DACH2: variants seen among roughly 807,000 people sequenced by gnomAD.
DACH2 encodes dachshund family transcription factor 2, also known as dachshund homolog 2.
In DACH2, 17 loss-of-function variants were observed where a neutral mutation model predicts 35.8. The observed-to-expected ratio is 0.48, with a 90% CI of 0.33 to 0.71. The LOEUF is 0.71. Among genes scored for constraint, DACH2 ranks in the 30% least tolerant of loss-of-function variants. The probability of loss-of-function intolerance (pLI) is 0.02; values close to 1 mark genes in which losing one functional copy is unlikely to be tolerated. For missense variants in DACH2, 469 were observed against 472.7 expected, an observed-to-expected ratio of 0.99 and a Z score of 0.07; for synonymous variants, 195 against 177.3, an observed-to-expected ratio of 1.10 and a Z score of -0.79.
At chrX:86,674,549 A>G (rs2040806046) in intron 4 of DACH2, among the ~76,000 whole-genome samples, 1 of 112,311 alleles carries the variant, frequency 8.9e-6, no homozygotes, top group African/African-American at 3.2e-5. Flanking sequence ...ATTCAATGGA[A>G]ATTTTAGCTC....
chrX:86,702,725 G>A (rs2041158032), intron 5 of DACH2, among the ~76,000 whole-genome samples: 1 of 111,254 alleles, frequency 9.0e-6, no homozygotes. Flanking sequence ...CTTGAATCAG[G>A]AAGAACTAGA....
At chrX:86,153,629 A>G (rs367892343) in intron 1 of DACH2, among the ~76,000 whole-genome samples, 1 of 111,854 alleles carries the variant, frequency 8.9e-6, no homozygotes, top group South Asian at 3.7e-4. Context: ...TCTGTGTAGT[A>G]AATGCACATT....
At chrX:86,169,989 G>A (rs12688954) in intron 1 of DACH2, among the ~76,000 whole-genome samples, 9,065 of 110,512 alleles carry the variant, frequency 0.082, 334 homozygotes, top group East Asian at 0.21. Flanking sequence ...AAGAAGGATG[G>A]CTTTCCAGGC....
intron 3 of DACH2, among the ~76,000 whole-genome samples, chrX:86,577,770 G>A (rs947691752): frequency 2.2e-4 from 24 of 111,142 alleles, no homozygotes; most frequent in African/African-American, 7.5e-4. Flanking sequence ...ATTGACCAAT[G>A]GTTTAATCAA....
chrX:86,301,591 A>G (rs1251834992), intron 1 of DACH2, among the ~76,000 whole-genome samples: 1 of 111,224 alleles, frequency 9.0e-6, no homozygotes, highest in Non-Finnish European at 1.9e-5. Flanking sequence ...GTGTACAACT[A>G]CCTCCCCTGA....
At chrX:86,250,973 G>T (rs1028783621) in intron 1 of DACH2, among the ~76,000 whole-genome samples, 1 of 110,963 alleles carries the variant, frequency 9.0e-6, no homozygotes, top group South Asian at 3.8e-4. Flanking sequence ...TTTCAATCAG[G>T]TGATTAACTT....
At chrX:86,267,470 C>A (rs996891149) in intron 1 of DACH2, among the ~76,000 whole-genome samples, 1 of 111,878 alleles carries the variant, frequency 8.9e-6, no homozygotes, top group Non-Finnish European at 1.9e-5. Flanking sequence ...TGAACTTTTT[C>A]ATTCATGTTA....
intron 2 of DACH2, among the ~76,000 whole-genome samples, chrX:86,377,559 C>G (rs1323808851): frequency 9.1e-6 from 1 of 110,430 alleles, no homozygotes; most frequent in Admixed American, 9.7e-5. Context: ...GACTCAGAGA[C>G]AAGGGCAAAG....
At chrX:86,337,922 G>A (rs1489589464) in intron 1 of DACH2, among the ~76,000 whole-genome samples, 1 of 96,511 alleles carries the variant, frequency 1.0e-5, no homozygotes, top group Non-Finnish European at 1.9e-5. Flanking sequence ...CCTAGTCTCT[G>A]ATAAAATAGA....
intron 3 of DACH2, among the ~76,000 whole-genome samples, chrX:86,546,635 C>G (rs755010965): frequency 0.04 from 4,171 of 104,945 alleles, 246 homozygotes; most frequent in African/African-American, 0.14. Flanking sequence ...CTGCCTCAGC[C>G]TCCCGAGTAG....
intron 2 of DACH2, among the ~76,000 whole-genome samples, chrX:86,403,930 C>T (rs2148135127): frequency 9.0e-6 from 1 of 110,498 alleles, no homozygotes; most frequent in African/African-American, 3.3e-5. Flanking sequence ...GTGACACATC[C>T]TTCTTCACAT....
At chrX:86,399,364 G>T (rs1454035084) in intron 2 of DACH2, among the ~76,000 whole-genome samples, 1 of 111,664 alleles carries the variant, frequency 9.0e-6, no homozygotes, top group Non-Finnish European at 1.9e-5. Context: ...TTTAATTGGA[G>T]CATTTAGCCC....
intron 4 of DACH2, among the ~76,000 whole-genome samples, chrX:86,686,334 G>A (rs984293395): frequency 2.7e-5 from 3 of 110,824 alleles, no homozygotes; most frequent in Non-Finnish European, 5.7e-5. Flanking sequence ...CTGGGTTCAA[G>A]CAATTCTCCT....
At chrX:86,692,369 C>G (rs2041020560) in intron 4 of DACH2, among the ~76,000 whole-genome samples, 1 of 110,666 alleles carries the variant, frequency 9.0e-6, no homozygotes, top group South Asian at 3.9e-4. Flanking sequence ...CCCCCCTCCA[C>G]CCGCCCCACC....
At chrX:86,456,595 CTG>C (rs2037479531) in intron 2 of DACH2, among the ~76,000 whole-genome samples, 1 of 111,358 alleles carries the variant, frequency 9.0e-6, no homozygotes, top group Non-Finnish European at 1.9e-5. Context: ...TTTGCAAAAA[CTG>C]TTATTCATTA....
chrX:86,180,284 A>T (rs2031447741), intron 1 of DACH2, among the ~76,000 whole-genome samples: 1 of 100,466 alleles, frequency 1.0e-5, no homozygotes, highest in Admixed American at 1.1e-4. Flanking sequence ...TTTACTGTAG[A>T]TGTTTTAGAA....
chrX:86,810,063 TAAAGA>T (rs1197827963), intron 7 of DACH2, among the ~76,000 whole-genome samples: 1 of 111,713 alleles, frequency 9.0e-6, no homozygotes, highest in Non-Finnish European at 1.9e-5. Context: ...TCTATCTCTT[TAAAGA>T]AGAGTAATAC....
intron 5 of DACH2, among the ~76,000 whole-genome samples, chrX:86,701,444 C>G (rs769081175): frequency 2.3e-4 from 26 of 111,537 alleles, no homozygotes; most frequent in Admixed American, 6.7e-4. Flanking sequence ...CCTTTGAAAA[C>G]CAGCACAAGG....
At chrX:86,665,867 G>A (rs2040662453) in intron 4 of DACH2, among the ~76,000 whole-genome samples, 1 of 110,886 alleles carries the variant, frequency 9.0e-6, no homozygotes, top group Non-Finnish European at 1.9e-5. Context: ...CCTGATTTCT[G>A]GGTCGCTAGC....
Sources: allele counts gnomAD v4.1 joint callset (sites outside exome capture counted in the v4.1 genomes callset), GRCh38; gene constraint gnomAD v4.1.1; transcripts MANE v1.5; gene names NCBI Gene and HGNC (gene_info 2026-07-23, HGNC 2026-07-21).